The following SLC7A2 variants were observed in gnomAD, a reference collection of about 807,000 sequenced individuals.
SLC7A2 encodes cationic amino acid transporter 2.
In SLC7A2, 48 loss-of-function variants were observed where a neutral mutation model predicts 58.9. The observed-to-expected ratio is 0.82, with a 90% CI of 0.65 to 1.04. The LOEUF is 1.04. Among genes scored for constraint, SLC7A2 ranks in the 50% least tolerant of loss-of-function variants. The probability of loss-of-function intolerance (pLI) is 0.00; values close to 1 mark genes in which losing one functional copy is unlikely to be tolerated. For missense variants in SLC7A2, 1,029 were observed against 818.8 expected (o/e 1.26, Z -3.13); for synonymous variants, 363 against 314.5 (o/e 1.15, Z -1.63).
In SLC7A2 at chr8:17,543,556, C is replaced by T; in HGVS notation, c.217C>T (p.Leu73Phe). Reference protein sequence around the residue: ...DSGPSIVVSFLIAALASVMAG... With the variant: ...DSGPSIVVSFFIAALASVMAG... ...GGGCCCCAGCATCGTGGTGTCCTTC[C>T]TCATTGCTGCCCTGGCTTCAGTGAT... The change falls in exon 3 of 13, where the codon CTC becomes TTC. Residue 73 changes from leucine (L) to phenylalanine (F), a missense_variant. Leu to Phe is a conservative substitution (Grantham distance 22). Coordinates refer to ENST00000494857, the MANE Select transcript of SLC7A2 (RefSeq NM_001370338.1). The T allele has an allele frequency of 6.2e-7, 1 of 1,611,962 alleles. No individual in the cohort carries two copies. The highest frequency in any genetic ancestry group is 8.5e-7 in the Non-Finnish European group (1 of 1,178,976).
chr8:17,506,158 A>G (rs972065148), intron 2 of SLC7A2, among the ~76,000 whole-genome samples: 1 of 152,216 alleles, frequency 6.6e-6, no homozygotes, highest in Non-Finnish European at 1.5e-5. Context: ...TTCATCAAGA[A>G]CATAGCACAG....
intron 10 of SLC7A2, among the ~76,000 whole-genome samples, chr8:17,560,913 T>G (rs79401133): frequency 0.013 from 1,982 of 152,268 alleles, 47 homozygotes; most frequent in African/African-American, 0.045. Context: ...TTACCCACAG[T>G]TACGTAATCA....
Position 17,543,365 on chromosome 8 carries a change from C to T in SLC7A2, c.26C>T (p.Thr9Ile), listed in dbSNP as rs778949616. The change falls in exon 3 of 13, where the codon ACC (threonine) becomes ATC (isoleucine). Residue 9 changes from threonine to isoleucine, a missense_variant. Coordinates refer to ENST00000494857, the MANE Select transcript of SLC7A2 (RefSeq NM_001370338.1). ...ATGATTCCTTGCAGAGCCGCGCTGA[C>T]CTTTGCCCGATGTCTGATCCGGAGA... MIPCRAAL[T>I]FARCLIRRKI... The T allele has an allele frequency of 6.2e-7, 1 of 1,614,026 alleles. No individual in the cohort carries two copies. Among genetic ancestry groups the T allele is most frequent in the Non-Finnish European group, 8.5e-7 (1 of 1,179,962 alleles).
Position 17,558,341 on chromosome 8 carries a change from G to A in SLC7A2, c.1242G>A (p.Met414Ile). Residue 414 changes from methionine (M) to isoleucine (I), a missense_variant, in exon 9 of 13, where the codon ATG (methionine) becomes ATA (isoleucine). By Grantham distance (10) the Met-to-Ile change is conservative. Coordinates refer to ENST00000494857, the MANE Select transcript of SLC7A2 (RefSeq NM_001370338.1). ...LFDLKALVDM[M>I]SIGTLMAYSL... ...ACCTGAAGGCGCTTGTGGACATGAT[G>A]TCCATTGGCACACTCATGGCCTACT... 1 of 1,613,528 alleles carries A rather than the reference G, an allele frequency of 6.2e-7. No individual in the cohort carries two copies. Among genetic ancestry groups the A allele is most frequent in the Non-Finnish European group, 8.5e-7 (1 of 1,179,804 alleles).
intron 8 of SLC7A2, among the ~76,000 whole-genome samples, chr8:17,556,615 A>AT (rs11373033): frequency 0.22 from 32,836 of 148,012 alleles, 4,122 homozygotes; most frequent in East Asian, 0.35. Flanking sequence ...GCAATGAAGA[A>AT]TTTTTTTTTT....
rs781630734 is a variant in SLC7A2 at position 17,543,493 on chromosome 8, G to C, written c.154G>C (p.Val52Leu). Residue 52 changes from valine (V) to leucine (L), a missense_variant, in exon 3 of 13, where the codon GTT becomes CTT. Transcript: ENST00000494857. Reference protein sequence around the residue: ...LGVGSTLGAGVYVLAGEVAKA... With the variant: ...LGVGSTLGAGLYVLAGEVAKA... ...CGTTGGAAGCACCCTTGGGGCCGGG[G>C]TTTATGTCCTCGCTGGGGAGGTGGC... 2 of 1,614,098 alleles carry C rather than the reference G, an allele frequency of 1.2e-6. No homozygotes were observed. Among genetic ancestry groups the C allele is most frequent in the Non-Finnish European group, 1.7e-6 (2 of 1,180,012 alleles).
At chr8:17,510,077 G>T (rs147479646) in intron 2 of SLC7A2, among the ~76,000 whole-genome samples, 1 of 151,944 alleles carries the variant, frequency 6.6e-6, no homozygotes, top group Non-Finnish European at 1.5e-5. Flanking sequence ...AAAATTAGCC[G>T]GGCGTGATAG....
At chr8:17,534,713 A>G (rs1179958285) in intron 2 of SLC7A2, among the ~76,000 whole-genome samples, 1 of 139,360 alleles carries the variant, frequency 7.2e-6, no homozygotes, top group Non-Finnish European at 1.6e-5. Flanking sequence ...AAAAAAAAAA[A>G]CAAGACAAAA....
intron 5 of SLC7A2, among the ~76,000 whole-genome samples, chr8:17,549,809 A>G (rs943059349): frequency 1.3e-5 from 2 of 152,242 alleles, no homozygotes; most frequent in East Asian, 3.8e-4. Flanking sequence ...ATATAATAAA[A>G]TATTCAATTT....
chr8:17,550,344 G>A lies in SLC7A2; in HGVS notation c.742G>A (p.Gly248Ser). 2 of 1,614,122 alleles carry A rather than the reference G, an allele frequency of 1.2e-6. No individual in the cohort carries two copies. Among genetic ancestry groups the A allele is most frequent in the Non-Finnish European group, 1.7e-6 (2 of 1,179,988 alleles). Residue 248 changes from glycine to serine, a missense_variant, in exon 6 of 13, where the codon GGC becomes AGC. By Grantham distance (56) the Gly-to-Ser change is moderately conservative. Coordinates refer to ENST00000494857, the MANE Select transcript of SLC7A2 (RefSeq NM_001370338.1). ...CGGAACAAGTATCTATGGGGCTGGTGGCTTTATGCCTTATGGCTTTACGGG... is the reference window on the plus strand; with the variant it reads ...CGGAACAAGTATCTATGGGGCTGGTAGCTTTATGCCTTATGGCTTTACGGG... Reference protein sequence around the residue: ...ENGTSIYGAGGFMPYGFTGTL... With the variant: ...ENGTSIYGAGSFMPYGFTGTL...
In SLC7A2 at chr8:17,567,324, T is replaced by C. The variant is rs1320283037; in HGVS notation, c.*2178T>C. On this transcript the variant is annotated 3_prime_UTR_variant, in exon 13 of 13. Transcript: ENST00000494857. ...TGTTATATATGAACACTCAAATCTT[T>C]TACTGTAACGAAACCAAGAAACTTG... 1.3e-5 allele frequency: 2 copies of C among 152,568 alleles called. No individual in the cohort carries two copies. Among genetic ancestry groups the C allele is most frequent in the East Asian group, 3.9e-4 (2 of 5,178 alleles). The allele number at this position is 152,568 out of a possible 1,614,324, so 9.5% of individuals were successfully genotyped here.
chr8:17,511,151 G>A (rs1464341274), intron 2 of SLC7A2: 1 of 152,132 alleles, frequency 6.6e-6, no homozygotes, highest in African/African-American at 2.4e-5. Flanking sequence ...GCTAATGCAT[G>A]CGGAGCTTAA....
At chr8:17,499,525 G>C (rs1800073624) in intron 1 of SLC7A2, among the ~76,000 whole-genome samples, 1 of 150,836 alleles carries the variant, frequency 6.6e-6, no homozygotes. Flanking sequence ...GTTGCTGTTT[G>C]CTTTATTTCC....
chr8:17,563,609 T>A lies in SLC7A2; in HGVS notation c.1678T>A (p.Phe560Ile). The change falls in exon 12 of 13, where the codon TTC becomes ATC. Residue 560 changes from phenylalanine (F) to isoleucine (I), a missense_variant. Transcript: ENST00000494857. ...GGATTGTTTTCCCCCTCAGGTTCCA[T>A]TCTTACCATTTTTGCCAGCGTTCAG... is the stretch of plus-strand genomic sequence containing the variant. The part of the protein sequence containing the change: ...NQQKVAFMVP[F>I]LPFLPAFSIL... 1 of 1,604,072 alleles carries A rather than the reference T, an allele frequency of 6.2e-7. No individual in the cohort carries two copies. The highest frequency in any genetic ancestry group is 8.5e-7 in the Non-Finnish European group (1 of 1,171,626).
At position 17,565,802 on chromosome 8, in the gene SLC7A2, C is replaced by T. The variant is rs1453486603; in HGVS notation, c.*656C>T. The T allele has an allele frequency of 6.6e-6, 1 of 152,250 alleles. No individual in the cohort carries two copies. The highest frequency in any genetic ancestry group is 2.1e-4 in the South Asian group (1 of 4,830). 9.4% of individuals were successfully genotyped at this position (152,250 alleles called of 1,614,324 possible). On this transcript the variant is annotated 3_prime_UTR_variant, in exon 13 of 13. Transcript: ENST00000494857. ...AAACTTCAGCCAACAGGGGTGTCTGCTTCTGCTGCACTACACAGGCCAGGA... is the reference window on the plus strand; with the variant it reads ...AAACTTCAGCCAACAGGGGTGTCTGTTTCTGCTGCACTACACAGGCCAGGA...
Position 17,565,363 on chromosome 8 carries a change from T to C in SLC7A2, c.*217T>C, listed in dbSNP as rs1803220073. 5 of 537,430 alleles carry C rather than the reference T, an allele frequency of 9.3e-6. No homozygotes were observed. Among genetic ancestry groups the C allele is most frequent in the Non-Finnish European group, 1.6e-5 (5 of 303,312 alleles). The allele number at this position is 537,430 out of a possible 1,614,324, so 33.3% of individuals were successfully genotyped here. On this transcript the variant is annotated 3_prime_UTR_variant, in exon 13 of 13. Coordinates refer to ENST00000494857, the MANE Select transcript of SLC7A2 (RefSeq NM_001370338.1). ...GGAAGTTTCATTCATCAGTGATGAATAGCCCCCAAACAGTGGGAGTGTGTA... is the reference window on the plus strand; with the variant it reads ...GGAAGTTTCATTCATCAGTGATGAACAGCCCCCAAACAGTGGGAGTGTGTA...
In SLC7A2 at chr8:17,565,256, T is replaced by G. The variant is rs1803214445; in HGVS notation, c.*110T>G. On this transcript the variant is annotated 3_prime_UTR_variant, in exon 13 of 13. Transcript: ENST00000494857. ...GGTTGTCATGGGTTTGCTGCATACA[T>G]AGTTCACCCTAATTTATACTTACTC... 1.3e-6 allele frequency: 1 copy of G among 788,086 alleles called. No individual in the cohort carries two copies. The allele number at this position is 788,086 out of a possible 1,614,324, so 48.8% of individuals were successfully genotyped here.
chr8:17,551,471 C>G (rs1802446351), intron 6 of SLC7A2, among the ~76,000 whole-genome samples: 1 of 152,076 alleles, frequency 6.6e-6, no homozygotes, highest in South Asian at 2.1e-4. Context: ...GTGGCGCACA[C>G]CCGTGGTCCC....
At chr8:17,562,576 T>C (rs1279080952) in intron 11 of SLC7A2, among the ~76,000 whole-genome samples, 1 of 152,098 alleles carries the variant, frequency 6.6e-6, no homozygotes, top group Non-Finnish European at 1.5e-5. Context: ...TGACCTCAGG[T>C]GATCCACCTG....
Sources: allele counts gnomAD v4.1 joint callset (sites outside exome capture counted in the v4.1 genomes callset), GRCh38; gene constraint gnomAD v4.1.1; transcripts MANE v1.5; gene names NCBI Gene and HGNC (gene_info 2026-07-23, HGNC 2026-07-21).